Variants in OSGIN1 observed in about 807,000 individuals in gnomAD.
The protein encoded by OSGIN1 is oxidative stress induced growth inhibitor 1, also known as oxidative stress-induced growth inhibitor 1.
A neutral mutation model predicts 20.1 loss-of-function variants in OSGIN1; 19 were observed. The observed-to-expected ratio is 0.95, with a 90% CI of 0.66 to 1.39. The LOEUF (loss-of-function observed/expected upper bound fraction) is 1.39, where lower values mean the gene tolerates loss of function less well. OSGIN1 is among the 40% of genes most tolerant of loss of function. The probability of loss-of-function intolerance (pLI) is 0.00; values close to 1 mark genes in which losing one functional copy is unlikely to be tolerated. For synonymous variants in OSGIN1, 368 were observed against 297.8 expected (o/e 1.24, Z -2.43); for missense variants, 820 against 653.0 (o/e 1.26, Z -2.79).
intron 5 of OSGIN1, among the ~76,000 whole-genome samples, chr16:83,961,433 G>C (rs763154514): frequency 6.6e-6 from 1 of 152,174 alleles, no homozygotes; most frequent in Non-Finnish European, 1.5e-5. Flanking sequence ...CTCCAAATGA[G>C]GCGATCAGAT....
At chr16:83,964,925 G>T in intron 5 of OSGIN1, 137 bp from the exon 6 acceptor site, 1 of 657,074 alleles carries the variant, frequency 1.5e-6, no homozygotes, top group Non-Finnish European at 2.7e-6. Flanking sequence ...TAGAGAGGTT[G>T]AATTACCTGG....
rs1394371243 is a variant in OSGIN1, at chr16:83,959,329, C to G, written c.137C>G (p.Ala46Gly). ...TACACACCCTACACGAAGCCAGATGCCATCCACCCACACCCCCTGCTGCAG... is the reference window on the plus strand; with the variant it reads ...TACACACCCTACACGAAGCCAGATGGCATCCACCCACACCCCCTGCTGCAG... ...SGYTPYTKPD[A>G]IHPHPLLQRK... The change falls in exon 3 of 6, where the codon GCC (alanine) becomes GGC (glycine). Residue 46 changes from alanine (A) to glycine (G), a missense_variant. By Grantham distance (60) the Ala-to-Gly change is moderately conservative. Transcript: ENST00000393306. The G allele has an allele frequency of 7.4e-6, 12 of 1,613,870 alleles. No homozygotes were observed.
chr16:83,961,800 A>C (rs773591954), intron 5 of OSGIN1, among the ~76,000 whole-genome samples: 2 of 151,890 alleles, frequency 1.3e-5, no homozygotes, highest in Non-Finnish European at 1.5e-5. Context: ...CCCAGCCTCT[A>C]AGGAGGGGGT....
intron 5 of OSGIN1, among the ~76,000 whole-genome samples, chr16:83,964,197 A>G (rs926624805): frequency 1.3e-5 from 2 of 152,140 alleles, no homozygotes; most frequent in African/African-American, 4.8e-5. Flanking sequence ...CCAGCTGCTC[A>G]GGAGGCCGAG....
At chr16:83,956,331 C>G (rs824400) in intron 1 of OSGIN1, among the ~76,000 whole-genome samples, 129,671 of 152,296 alleles carry the variant, frequency 0.85, 55,644 homozygotes, top group African/African-American at 0.96. Flanking sequence ...TTCCAAAACT[C>G]TGCGTTCATT....
chr16:83,965,173 C>T lies in OSGIN1; in HGVS notation c.600C>T (p.Ala200=), dbSNP rs760845941. 3.0e-5 allele frequency: 49 copies of T among 1,613,254 alleles called. No homozygotes were observed. The African/African-American group carries it at 3.5e-4, about 11-fold the overall frequency. The change falls in exon 6 of 6, where the codon GCC becomes GCT. Residue 200 remains alanine (A), a synonymous_variant. Transcript: ENST00000393306. ...HNFVSGAVVT[A]VEWGTPDPSS... ...TTGTGTCCGGTGCTGTAGTCACAGC[C>T]GTGGAGTGGGGGACCCCCGATCCCA...
Position 83,959,301 on chromosome 16 carries a change from G to T in OSGIN1, c.109G>T (p.Gly37Cys). Residue 37 changes from glycine to cysteine, a missense_variant, in exon 3 of 6, where the codon GGC becomes TGC. Physicochemically the swap from Gly to Cys is radical, Grantham distance 159. Transcript: ENST00000393306. ...SGICLSYLLS[G>C]YTPYTKPDAI... ...TATCTGCCTGTCCTACCTGCTCTCC[G>T]GCTACACACCCTACACGAAGCCAGA... 6.2e-7 allele frequency: 1 copy of T among 1,613,204 alleles called. No homozygotes were observed. The highest frequency in any genetic ancestry group is 8.5e-7 in the Non-Finnish European group (1 of 1,179,810).
Position 83,965,798 on chromosome 16 carries a change from G to T in OSGIN1, c.1225G>T (p.Gly409Trp). 6.2e-7 allele frequency: 1 copy of T among 1,613,106 alleles called. No individual in the cohort carries two copies. The highest frequency in any genetic ancestry group is 8.5e-7 in the Non-Finnish European group (1 of 1,179,968). ...CGACCTCTCCTTCCTGCCTGGGGCAGGGGCTGACTTTGCAGTGGATCCTGA... is the reference window on the plus strand; with the variant it reads ...CGACCTCTCCTTCCTGCCTGGGGCATGGGCTGACTTTGCAGTGGATCCTGA... ...HPDLSFLPGA[G>W]ADFAVDPDQP... The change falls in exon 6 of 6, where the codon GGG becomes TGG. Residue 409 changes from glycine to tryptophan, a missense_variant. Physicochemically the swap from Gly to Trp is radical, Grantham distance 184. Transcript: ENST00000393306.
intron 5 of OSGIN1, among the ~76,000 whole-genome samples, chr16:83,962,702 G>A (rs113621724): frequency 2.4e-4 from 37 of 152,346 alleles, no homozygotes; most frequent in African/African-American, 7.7e-4. Context: ...CATTGGTTCC[G>A]TCCAGAGGCG....
rs1264120260 is a variant in OSGIN1, at chr16:83,957,721, T to G, written c.50T>G (p.Leu17Arg). The change falls in exon 2 of 6, where the codon CTC (leucine) becomes CGC (arginine). Residue 17 changes from leucine (L) to arginine (R), a missense_variant. Physicochemically the swap from Leu to Arg is moderately radical, Grantham distance 102. Coordinates refer to ENST00000393306, the MANE Select transcript of OSGIN1 (RefSeq NM_182981.3). The stretch of plus-strand genomic sequence containing the variant: ...CTCGGCGCCAGCAGCTCAGAGCCCC[T>G]CCCGGTCATCATTGTGGGTGAGTGT... ...DHLGASSSEPLPVIIVGNGPS... is the reference protein window; with the variant it reads ...DHLGASSSEPRPVIIVGNGPS... 1 of 1,596,918 alleles carries G rather than the reference T, an allele frequency of 6.3e-7. No homozygotes were observed. Among genetic ancestry groups the G allele is most frequent in the Admixed American group, 1.7e-5 (1 of 58,226 alleles).
chr16:83,964,489 G>A (rs964282905), intron 5 of OSGIN1, among the ~76,000 whole-genome samples: 7 of 151,896 alleles, frequency 4.6e-5, no homozygotes, highest in East Asian at 1.9e-4. Flanking sequence ...CCCCATCCCC[G>A]GAGGTAACCC....
At chr16:83,955,933 A>T (rs550430418) in intron 1 of OSGIN1, among the ~76,000 whole-genome samples, 1 of 152,226 alleles carries the variant, frequency 6.6e-6, no homozygotes, top group South Asian at 2.1e-4. Context: ...CAGTGGAGGC[A>T]AGAAAGGCTA....
intron 1 of OSGIN1, among the ~76,000 whole-genome samples, chr16:83,955,296 A>T (rs531123159): frequency 2.2e-4 from 33 of 152,118 alleles, no homozygotes; most frequent in Non-Finnish European, 3.7e-4. Flanking sequence ...ATGAGAAATG[A>T]TCCCTTCCCA....
At chr16:83,961,964 C>CTTT (rs371517342) in intron 5 of OSGIN1, among the ~76,000 whole-genome samples, 2 of 141,576 alleles carry the variant, frequency 1.4e-5, no homozygotes, top group African/African-American at 2.6e-5. Context: ...TTTTTCTTTT[C>CTTT]TTTTTTTTTT....
Position 83,957,642 on chromosome 16 carries a change from C to A in OSGIN1, c.-30C>A, listed in dbSNP as rs573095064. ...CCTTCCCCTCTCCCCCACTCCAGGT[C>A]CGCTGCCAGCCCCAAGCCCCCCACC... On this transcript the variant is annotated splice_region_variant and 5_prime_UTR_variant, in exon 2 of 6. Transcript: ENST00000393306. 5 of 1,560,912 alleles carry A rather than the reference C, an allele frequency of 3.2e-6. No individual in the cohort carries two copies. Among genetic ancestry groups the A allele is most frequent in the Admixed American group, 1.8e-5 (1 of 55,996 alleles).
Position 83,965,394 on chromosome 16 carries a change from C to T in OSGIN1, c.821C>T (p.Ala274Val), listed in dbSNP as rs750515212. 4.1e-5 allele frequency: 65 copies of T among 1,574,650 alleles called. No homozygotes were observed. The highest frequency in any genetic ancestry group is 1.4e-4 in the Admixed American group (8 of 58,462). ...FIHHELSALEAATRVGAVTPA... is the reference protein window; with the variant it reads ...FIHHELSALEVATRVGAVTPA... ...CACCATGAGCTGTCTGCCCTGGAGGCCGCCACAAGGGTGGGTGCGGTGACC... is the reference window on the plus strand; with the variant it reads ...CACCATGAGCTGTCTGCCCTGGAGGTCGCCACAAGGGTGGGTGCGGTGACC... The change falls in exon 6 of 6, where the codon GCC becomes GTC. Residue 274 changes from alanine (A) to valine (V), a missense_variant. Transcript: ENST00000393306.
chr16:83,963,453 C>T (rs1016770990), intron 5 of OSGIN1, among the ~76,000 whole-genome samples: 4 of 152,184 alleles, frequency 2.6e-5, no homozygotes, highest in East Asian at 1.9e-4. Context: ...ACAAAACCAC[C>T]GCAGACACAC....
intron 5 of OSGIN1, among the ~76,000 whole-genome samples, chr16:83,961,615 G>T (rs564275770): frequency 6.6e-6 from 1 of 152,310 alleles, no homozygotes; most frequent in South Asian, 2.1e-4. Context: ...AGTGCATCTG[G>T]TCTGTCTTCC....
rs772278834 is a variant in OSGIN1, at chr16:83,965,811, C to T, written c.1238C>T (p.Ala413Val). 4 of 1,612,814 alleles carry T rather than the reference C, an allele frequency of 2.5e-6. No individual in the cohort carries two copies. In the African/African-American group the frequency reaches 4.0e-5, roughly 16 times the overall value. ...SFLPGAGADF[A>V]VDPDQPLSAK... The stretch of plus-strand genomic sequence containing the variant: ...CTGCCTGGGGCAGGGGCTGACTTTG[C>T]AGTGGATCCTGACCAGCCGCTGAGC... The change falls in exon 6 of 6, where the codon GCA becomes GTA. Residue 413 changes from alanine to valine, a missense_variant. By Grantham distance (64) the Ala-to-Val change is moderately conservative. Transcript: ENST00000393306.
Sources: allele counts gnomAD v4.1 joint callset (sites outside exome capture counted in the v4.1 genomes callset), GRCh38; gene constraint gnomAD v4.1.1; transcripts MANE v1.5; gene names NCBI Gene and HGNC (gene_info 2026-07-23, HGNC 2026-07-21).